CTNND2: variants seen among roughly 807,000 people sequenced by gnomAD.
CTNND2 encodes catenin delta-2.
A neutral mutation model predicts 144.4 loss-of-function variants in CTNND2; 22 were observed. The ratio of observed to expected loss-of-function variants is 0.15; its 90% CI spans 0.11 to 0.22. The LOEUF is 0.22. CTNND2 is among the 10% of genes least tolerant of loss of function. The probability of loss-of-function intolerance (pLI) is 1.00; values close to 1 mark genes in which losing one functional copy is unlikely to be tolerated. For missense variants in CTNND2, 1,353 were observed against 1,618.8 expected (o/e 0.84, Z 2.82); for synonymous variants, 751 against 695.6 (o/e 1.08, Z -1.25).
chr5:11,622,712 A>G (rs1268110701), intron 2 of CTNND2, among the ~76,000 whole-genome samples: 1 of 152,110 alleles, frequency 6.6e-6, no homozygotes, highest in African/African-American at 2.4e-5. Context: ...CTACCTCCAT[A>G]CAAACCTGGA....
intron 2 of CTNND2, among the ~76,000 whole-genome samples, chr5:11,627,628 C>T (rs1781223484): frequency 6.6e-6 from 1 of 151,948 alleles, no homozygotes; most frequent in African/African-American, 2.4e-5. Flanking sequence ...AGTACCCTTA[C>T]AGCAGTGGTC....
At chr5:11,855,373 T>C (rs1048053167) in intron 1 of CTNND2, among the ~76,000 whole-genome samples, 2 of 152,120 alleles carry the variant, frequency 1.3e-5, no homozygotes, top group Non-Finnish European at 2.9e-5. Context: ...CAGAGACCAA[T>C]TGTAGGATTA....
intron 2 of CTNND2, among the ~76,000 whole-genome samples, chr5:11,676,465 A>T (rs1784179865): frequency 1.3e-5 from 2 of 152,094 alleles, no homozygotes; most frequent in South Asian, 4.1e-4. Context: ...CCGTGAGTTA[A>T]TATAATGAGG....
chr5:11,629,389 T>C (rs748254762), intron 2 of CTNND2, among the ~76,000 whole-genome samples: 57 of 152,138 alleles, frequency 3.7e-4, no homozygotes, highest in Non-Finnish European at 6.9e-4. Flanking sequence ...CTACAGGTGG[T>C]TCATAAACCC....
intron 2 of CTNND2, among the ~76,000 whole-genome samples, chr5:11,588,133 A>G (rs1032702038): frequency 6.6e-6 from 1 of 152,168 alleles, no homozygotes; most frequent in Admixed American, 6.6e-5. Flanking sequence ...TCTAGTATAA[A>G]CTTATCACTG....
chr5:11,175,242 T>C (rs1409127435), intron 11 of CTNND2, among the ~76,000 whole-genome samples: 4 of 152,166 alleles, frequency 2.6e-5, no homozygotes, highest in Non-Finnish European at 5.9e-5. Flanking sequence ...ATGTTTTTGG[T>C]ATATATTCTC....
At chr5:11,613,022 T>G (rs1458735280) in intron 2 of CTNND2, among the ~76,000 whole-genome samples, 1 of 152,240 alleles carries the variant, frequency 6.6e-6, no homozygotes, top group Non-Finnish European at 1.5e-5. Context: ...GTCTCCTTGA[T>G]AGTGGTATTT....
chr5:10,975,817 G>A (rs936331991), intron 21 of CTNND2, among the ~76,000 whole-genome samples: 1 of 152,198 alleles, frequency 6.6e-6, no homozygotes, highest in Non-Finnish European at 1.5e-5. Flanking sequence ...TCACTCACAA[G>A]GGTTATAGCT....
At chr5:11,424,039 C>T (rs1762575701) in intron 3 of CTNND2, among the ~76,000 whole-genome samples, 1 of 152,122 alleles carries the variant, frequency 6.6e-6, no homozygotes, top group South Asian at 2.1e-4. Context: ...GCAATACTGG[C>T]CTTTTGACCA....
chr5:11,728,971 T>A (rs929485235), intron 2 of CTNND2, among the ~76,000 whole-genome samples: 1 of 152,102 alleles, frequency 6.6e-6, no homozygotes, highest in South Asian at 2.1e-4. Flanking sequence ...TAAGAATGAT[T>A]TAGGATACAA....
intron 2 of CTNND2, among the ~76,000 whole-genome samples, chr5:11,567,379 T>C (rs1288856043): frequency 6.6e-6 from 1 of 152,204 alleles, no homozygotes; most frequent in Non-Finnish European, 1.5e-5. Flanking sequence ...TCTGGCTTTA[T>C]AGATTCCAGC....
At chr5:11,277,529 T>TATTTATTTATTTATTTATTTATTTATTC (rs1561138520) in intron 9 of CTNND2, among the ~76,000 whole-genome samples, 2 of 149,208 alleles carry the variant, frequency 1.3e-5, no homozygotes, top group South Asian at 2.1e-4. Context: ...TTTATTTATT[T>TATTTATTTATTTATTTATTTATTTATTC]ATTTATTTAT....
At chr5:11,584,236 T>C (rs966251172) in intron 2 of CTNND2, among the ~76,000 whole-genome samples, 1 of 152,104 alleles carries the variant, frequency 6.6e-6, no homozygotes, top group African/African-American at 2.4e-5. Context: ...TAAATAACCA[T>C]CTTCAGAGTT....
chr5:11,485,299 A>G (rs31935), intron 3 of CTNND2, among the ~76,000 whole-genome samples: 3,999 of 152,216 alleles, frequency 0.026, 131 homozygotes, highest in African/African-American at 0.087. Context: ...GGGAGGACAC[A>G]GTATTTTTTA....
intron 1 of CTNND2, among the ~76,000 whole-genome samples, chr5:11,895,400 G>C (rs1444492612): frequency 6.6e-6 from 1 of 152,086 alleles, no homozygotes; most frequent in Non-Finnish European, 1.5e-5. Flanking sequence ...ATTCACCGTC[G>C]CAACAACCTG....
intron 2 of CTNND2, among the ~76,000 whole-genome samples, chr5:11,654,573 G>C (rs1427703530): frequency 6.6e-6 from 1 of 151,274 alleles, no homozygotes; most frequent in East Asian, 1.9e-4. Context: ...AGTGATTTTT[G>C]TATGCTGATT....
chr5:11,717,430 A>G (rs574402661), intron 2 of CTNND2, among the ~76,000 whole-genome samples: 1 of 151,582 alleles, frequency 6.6e-6, no homozygotes, highest in Non-Finnish European at 1.5e-5. Flanking sequence ...AAAAAAAATT[A>G]GCCGGGCATG....
intron 3 of CTNND2, among the ~76,000 whole-genome samples, chr5:11,552,450 C>T (rs1448110718): frequency 6.6e-6 from 1 of 152,142 alleles, no homozygotes; most frequent in Admixed American, 6.5e-5. Context: ...ATCTGCTTTC[C>T]TTGAAAGTAC....
chr5:11,446,973 C>G (rs6879992), intron 3 of CTNND2, among the ~76,000 whole-genome samples: 2,336 of 152,082 alleles, frequency 0.015, 62 homozygotes, highest in African/African-American at 0.053. Flanking sequence ...CCCTATCCCC[C>G]CACCTCAGTC....
Sources: gnomAD v4.1 joint callset for allele counts (sites outside exome capture counted in the v4.1 genomes callset) on GRCh38, gnomAD v4.1.1 for gene constraint, MANE v1.5 for transcripts, NCBI Gene and HGNC (gene_info 2026-07-23, HGNC 2026-07-21) for gene names.